Variants in PER3 observed in about 807,000 individuals in gnomAD.
PER3 encodes period circadian protein homolog 3.
A neutral mutation model predicts 127.2 loss-of-function variants in PER3; 107 were observed. That is an observed-to-expected ratio of 0.84 (90% CI 0.72 to 0.99). The LOEUF (loss-of-function observed/expected upper bound fraction) is 0.99. PER3 is among the 50% of genes least tolerant of loss of function. The pLI is 0.00. For synonymous variants in PER3, 618 were observed against 585.8 expected (o/e 1.05, Z -0.79); for missense variants, 1,560 against 1,525.8 (o/e 1.02, Z -0.37).
At chr1:7,823,209 A>G (rs2097285625) in intron 16 of PER3, among the ~76,000 whole-genome samples, 1 of 152,262 alleles carries the variant, frequency 6.6e-6, no homozygotes, top group African/African-American at 2.4e-5. Context: ...CACAAGTGAA[A>G]CCGTAAGCAT....
chr1:7,813,286 G>T (rs1266777301), intron 13 of PER3, among the ~76,000 whole-genome samples: 2 of 152,200 alleles, frequency 1.3e-5, no homozygotes, highest in African/African-American at 4.8e-5. Context: ...GAGTGAGATT[G>T]CTTCCAGTTT....
intron 19 of PER3, 82 bp from the exon 20 acceptor site, chr1:7,835,680 G>A: frequency 2.1e-6 from 2 of 972,748 alleles, no homozygotes; most frequent in Non-Finnish European, 3.2e-6. Context: ...ACTGTCCGAG[G>A]CAAGAGTCTG....
Position 7,784,627 on chromosome 1 carries a change from C to G in PER3, c.-224-27C>G, listed in dbSNP as rs2097076143. 4 of 381,552 alleles carry G rather than the reference C, an allele frequency of 1.0e-5. No individual in the cohort carries two copies. In the South Asian group the frequency reaches 2.5e-4, roughly 24 times the overall value. 23.6% of individuals were successfully genotyped at this position (381,552 alleles called of 1,614,324 possible). A position where few individuals can be genotyped will look rare whatever the true frequency, so the allele number is the denominator to read the frequency against. ...GTCGGACTGTCTGTTCCATTTGTCC[C>G]TTGTCACCCTTGTCTCCTCCCCCTA... On this transcript the variant is annotated intron_variant, in intron 1 of 21. Transcript: ENST00000377532.
In PER3 at chr1:7,819,718, C is replaced by T. The variant is rs143075778; in HGVS notation, c.1658+298C>T. On this transcript the variant is annotated intron_variant, in intron 14 of 21. Coordinates refer to ENST00000377532, the MANE Select transcript of PER3 (RefSeq NM_001377275.1). Reference sequence around the variant, plus strand: ...CCCATGGCCCACAGGCTGCATGTGGCACAGGACAGCTTTGAGTGCAGCCCA... The same window carrying T: ...CCCATGGCCCACAGGCTGCATGTGGTACAGGACAGCTTTGAGTGCAGCCCA... Among the ~76,000 whole-genome samples, 601 of 151,984 alleles carry T rather than the reference C, an allele frequency of 4.0e-3. 1 individual carries two copies. The highest frequency in any genetic ancestry group is 6.4e-3 in the Non-Finnish European group (436 of 68,006).
chr1:7,806,019 C>T (rs1034092427), intron 10 of PER3, among the ~76,000 whole-genome samples: 13 of 152,116 alleles, frequency 8.5e-5, no homozygotes, highest in Admixed American at 5.9e-4. Context: ...AAGTATAAAG[C>T]TCTGTGTAAG....
At chr1:7,799,476 T>C (rs2150643002) in intron 7 of PER3, among the ~76,000 whole-genome samples, 1 of 151,948 alleles carries the variant, frequency 6.6e-6, no homozygotes, top group Middle Eastern at 3.4e-3. Context: ...TGGTGGCGTG[T>C]GCCTGTAATC....
chr1:7,803,301 A>G (rs1160871093), intron 9 of PER3, 148 bp downstream of exon 9: 6 of 662,032 alleles, frequency 9.1e-6, no homozygotes, highest in African/African-American at 7.1e-5. Context: ...TAAACATACT[A>G]AAACAGGCCA....
At chr1:7,794,365 C>T (rs975308437) in intron 6 of PER3, among the ~76,000 whole-genome samples, 31 of 152,014 alleles carry the variant, frequency 2.0e-4, no homozygotes, top group African/African-American at 6.8e-4. Context: ...TGGTAGTGCA[C>T]GCCTGTAGTC....
chr1:7,793,469 T>C (rs766944797), intron 5 of PER3, among the ~76,000 whole-genome samples: 8 of 152,140 alleles, frequency 5.3e-5, no homozygotes, highest in Non-Finnish European at 1.2e-4. Flanking sequence ...ATTCTATCAT[T>C]TAACCTAGGA....
Position 7,784,975 on chromosome 1 carries a change from T to A in PER3, c.98T>A (p.Leu33Gln). 2 of 1,565,808 alleles carry A rather than the reference T, an allele frequency of 1.3e-6. No individual in the cohort carries two copies. Among genetic ancestry groups the A allele is most frequent in the Non-Finnish European group, 1.7e-6 (2 of 1,163,380 alleles). Reference protein sequence around the residue: ...SGERWSPEFHLQRKLADSSHS... With the variant: ...SGERWSPEFHQQRKLADSSHS... ...GAGCGGTGGAGCCCCGAGTTCCATC[T>A]GCAGAGGAAATTGGCGGACAGCAGC... Residue 33 changes from leucine (L) to glutamine (Q), a missense_variant, in exon 2 of 22, where the codon CTG becomes CAG. Around this residue, in one of 3 missense-constraint regions of PER3, gnomAD observed 1,332 missense variants for 1,223.6 expected, o/e 1.09. Transcript: ENST00000377532.
rs1180326949 is a variant in PER3 at position 7,809,931 on chromosome 1, G to C, written c.1281G>C (p.Leu427=). 2 of 1,613,910 alleles carry C rather than the reference G, an allele frequency of 1.2e-6. No homozygotes were observed. Among genetic ancestry groups the C allele is most frequent in the Admixed American group, 3.3e-5 (2 of 60,002 alleles). ...GCGTGTCCAGCGGCTACGGGAGCCT[G>C]GGGAGCAGCGGGTCGCAGGAGCAGC... The part of the protein sequence containing the change: ...HVSVSSGYGS[L]GSSGSQEQLV... The change falls in exon 12 of 22, where the codon CTG becomes CTC. Residue 427 remains leucine, a synonymous_variant. Transcript: ENST00000377532.
At chr1:7,799,095 A>G (rs935766914) in intron 7 of PER3, among the ~76,000 whole-genome samples, 5 of 152,210 alleles carry the variant, frequency 3.3e-5, no homozygotes, top group Non-Finnish European at 7.3e-5. Context: ...GTACGAGCAG[A>G]ACTATATTTC....
chr1:7,793,880 T>G, intron 5 of PER3, 77 bp from the exon 6 acceptor site: 1 of 1,202,712 alleles, frequency 8.3e-7, no homozygotes, highest in Non-Finnish European at 1.2e-6. Flanking sequence ...GTTTGTTGTT[T>G]GATAATGGTG....
chr1:7,801,151 A>AC lies in PER3; in HGVS notation c.833dup (p.His279ThrfsTer9). On this transcript the variant is annotated frameshift_variant, in exon 8 of 22. Coordinates refer to ENST00000377532, the MANE Select transcript of PER3 (RefSeq NM_001377275.1). LOFTEE classifies it high-confidence loss of function. The stretch of plus-strand genomic sequence containing the variant: ...AGTGAATAAAAGAATCTTCACCACC[A>AC]CACACACCCCAGGGTGTGTTTTTCT... 6.2e-7 allele frequency: 1 copy of AC among 1,608,230 alleles called. No individual in the cohort carries two copies. Among genetic ancestry groups the AC allele is most frequent in the South Asian group, 1.1e-5 (1 of 90,206 alleles).
At chr1:7,809,841 G>T in intron 11 of PER3, 52 bp from the exon 12 acceptor site, 1 of 1,572,010 alleles carries the variant, frequency 6.4e-7, no homozygotes, top group Non-Finnish European at 8.7e-7. Context: ...CTCTGCGGTG[G>T]CTGCATTTGA....
Position 7,801,210 on chromosome 1 carries a change from C to G in PER3, c.872+19C>G, listed in dbSNP as rs1343727561. The G allele has an allele frequency of 7.4e-6, 10 of 1,356,450 alleles. No individual in the cohort carries two copies. The highest frequency in any genetic ancestry group is 1.5e-5 in the African/African-American group (1 of 68,374). 84.0% of individuals were successfully genotyped at this position (1,356,450 alleles called of 1,614,324 possible). A position where few individuals can be genotyped will look rare whatever the true frequency, so the allele number is the denominator to read the frequency against. On this transcript the variant is annotated intron_variant, in intron 8 of 21. Transcript: ENST00000377532. ...ATGAAAAGTAAGTACTTCTTTAAGCCTAAAAGAAATTTGTTTCTGAAAATA... is the reference window on the plus strand; with the variant it reads ...ATGAAAAGTAAGTACTTCTTTAAGCGTAAAAGAAATTTGTTTCTGAAAATA...
chr1:7,820,572 G>A lies in PER3; in HGVS notation c.1889G>A (p.Ser630Asn), dbSNP rs751920597. Reference sequence around the variant, plus strand: ...CAGATCCTGTCCACGGCGATGCTGAGCTTGGGGTCGGGCATAAGCCAATGC... The same window carrying A: ...CAGATCCTGTCCACGGCGATGCTGAACTTGGGGTCGGGCATAAGCCAATGC... Reference protein sequence around the residue: ...APQILSTAMLSLGSGISQCGY... With the variant: ...APQILSTAMLNLGSGISQCGY... Residue 630 changes from serine (S) to asparagine (N), a missense_variant, in exon 16 of 22, where the codon AGC (serine) becomes AAC (asparagine). Ser to Asn is a conservative substitution (Grantham distance 46). Coordinates refer to ENST00000377532, the MANE Select transcript of PER3 (RefSeq NM_001377275.1). 7 of 1,614,024 alleles carry A rather than the reference G, an allele frequency of 4.3e-6. No individual in the cohort carries two copies. The African/African-American group carries it at 8.0e-5, about 18-fold the overall frequency.
intron 13 of PER3, among the ~76,000 whole-genome samples, chr1:7,818,285 T>C (rs2097260455): frequency 6.6e-6 from 1 of 152,248 alleles, no homozygotes; most frequent in Non-Finnish European, 1.5e-5. Flanking sequence ...TCTATTGTAC[T>C]ATTTTTGCAA....
intron 18 of PER3, among the ~76,000 whole-genome samples, chr1:7,829,110 C>T (rs1285367467): frequency 6.6e-6 from 1 of 152,120 alleles, no homozygotes; most frequent in Non-Finnish European, 1.5e-5. Context: ...TGAAGATCTG[C>T]CAGTTACAGT....
Sources: allele counts gnomAD v4.1 joint callset (sites outside exome capture counted in the v4.1 genomes callset), GRCh38; gene constraint gnomAD v4.1.1; regional missense constraint gnomAD v4.1.1; transcripts MANE v1.5; gene names NCBI Gene and HGNC (gene_info 2026-07-23, HGNC 2026-07-21).